The following FAM135B variants were observed in gnomAD, a reference collection of about 807,000 sequenced individuals.
FAM135B encodes family with sequence similarity 135 member B, also known as protein FAM135B.
A neutral mutation model predicts 127.7 loss-of-function variants in FAM135B; 43 were observed. The observed-to-expected ratio is 0.34, with a 90% CI of 0.26 to 0.43. The LOEUF (loss-of-function observed/expected upper bound fraction) is 0.43. Among genes scored for constraint, FAM135B ranks in the 20% least tolerant of loss-of-function variants. The pLI is 1.00. For synonymous variants in FAM135B, 670 were observed against 665.1 expected (o/e 1.01, Z -0.11); for missense variants, 1,558 against 1,725.6 (o/e 0.90, Z 1.72).
intron 2 of FAM135B, among the ~76,000 whole-genome samples, chr8:138,342,325 A>G (rs1411045758): frequency 1.3e-5 from 2 of 151,938 alleles, no homozygotes; most frequent in Non-Finnish European, 2.9e-5. Context: ...TGATGACACA[A>G]AGTAATTAAG....
At chr8:138,492,961 C>CA (rs1269289167) in intron 1 of FAM135B, among the ~76,000 whole-genome samples, 2 of 152,176 alleles carry the variant, frequency 1.3e-5, no homozygotes, top group African/African-American at 4.8e-5. Flanking sequence ...CAGAGTCTGG[C>CA]ATGATGAGTG....
At chr8:138,460,537 T>G (rs2131615243) in intron 1 of FAM135B, among the ~76,000 whole-genome samples, 1 of 152,324 alleles carries the variant, frequency 6.6e-6, no homozygotes, top group South Asian at 2.1e-4. Flanking sequence ...CTGTTTATTC[T>G]CAGGCCTCCC....
chr8:138,306,299 G>A (rs1020172854), intron 3 of FAM135B, among the ~76,000 whole-genome samples: 2 of 151,934 alleles, frequency 1.3e-5, no homozygotes, highest in African/African-American at 4.8e-5. Context: ...ACCAGGCATG[G>A]TGGCACACAC....
intron 2 of FAM135B, 53 bp from the exon 3 acceptor site, chr8:138,310,973 C>CG: frequency 1.4e-6 from 2 of 1,444,594 alleles, no homozygotes; most frequent in East Asian, 2.3e-5. Context: ...TTAACGTTGA[C>CG]TTCTAAAAAT....
chr8:138,331,272 T>C (rs1240462957), intron 2 of FAM135B, among the ~76,000 whole-genome samples: 2 of 152,200 alleles, frequency 1.3e-5, no homozygotes, highest in Admixed American at 6.5e-5. Flanking sequence ...GTGTATTTCG[T>C]CATCTGACTC....
rs574495701 is a variant in FAM135B at position 138,407,205 on chromosome 8, G to A, written c.-19-39203C>T. ...CCCAGGAATCCAACTTACAAGGGACGTGAAGGACCTCTTCAAGGAGAACTA... is the reference window on the plus strand; with the variant it reads ...CCCAGGAATCCAACTTACAAGGGACATGAAGGACCTCTTCAAGGAGAACTA... On this transcript the variant is annotated intron_variant, in intron 1 of 19. Transcript: ENST00000395297. Among the ~76,000 whole-genome samples, 18 of 148,950 alleles carry A rather than the reference G, an allele frequency of 1.2e-4. No homozygotes were observed. In the East Asian group the frequency reaches 2.7e-3, roughly 22 times the overall value.
Position 138,213,499 on chromosome 8 carries a change from T to C in FAM135B, c.670-15830A>G, listed in dbSNP as rs1005475907. On this transcript the variant is annotated intron_variant, in intron 7 of 19. Transcript: ENST00000395297. ...ATTCCGTGTGTTGTTTTCAATTTTA[T>C]GTAATTTCTTTTTTTTTTTTTTTTA... Among the ~76,000 whole-genome samples the C allele has an allele frequency of 2.1e-5, 3 of 144,940 alleles. No individual in the cohort carries two copies. In the East Asian group the frequency reaches 6.2e-4, roughly 30 times the overall value.
chr8:138,441,371 T>C (rs1442574431), intron 1 of FAM135B: 1 of 152,140 alleles, frequency 6.6e-6, no homozygotes, highest in Non-Finnish European at 1.5e-5. Context: ...GAAAGCCAAA[T>C]TTGCACACCC....
Position 138,151,890 on chromosome 8 carries a change from A to G in FAM135B, c.2585T>C (p.Leu862Pro), listed in dbSNP as rs1818190499. The change falls in exon 13 of 20, where the codon CTT becomes CCT. Residue 862 changes from leucine (L) to proline (P), a missense_variant. Leu to Pro is a moderately conservative substitution (Grantham distance 98). Coordinates refer to ENST00000395297, the MANE Select transcript of FAM135B (RefSeq NM_015912.4). Reference sequence around the variant, plus strand: ...AGTGTTCTCAGTCCTGCCATCAGGAAGACAGTGTCCTTGAGCATCAAACTG... The same window carrying G: ...AGTGTTCTCAGTCCTGCCATCAGGAGGACAGTGTCCTTGAGCATCAAACTG... ...GKQFDAQGHC[L>P]PDGRTENTPG... 1 of 1,614,034 alleles carries G rather than the reference A, an allele frequency of 6.2e-7. No homozygotes were observed. The highest frequency in any genetic ancestry group is 1.7e-5 in the Admixed American group (1 of 60,024).
chr8:138,342,606 T>C (rs16908865), intron 2 of FAM135B, among the ~76,000 whole-genome samples: 3,918 of 152,260 alleles, frequency 0.026, 157 homozygotes, highest in African/African-American at 0.089. Flanking sequence ...CAAGAGATTA[T>C]GACACTCAGT....
At chr8:138,402,448 C>T (rs184207275) in intron 1 of FAM135B, among the ~76,000 whole-genome samples, 2 of 152,232 alleles carry the variant, frequency 1.3e-5, no homozygotes. Flanking sequence ...CTGTAGCTCA[C>T]CTCAGGCAAA....
chr8:138,159,760 A>C (rs1413938269), intron 12 of FAM135B, among the ~76,000 whole-genome samples: 1 of 103,148 alleles, frequency 9.7e-6, no homozygotes. Context: ...TATAATTTTA[A>C]AAAAAAGAAT....
chr8:138,345,828 A>C (rs1217600735), intron 2 of FAM135B, among the ~76,000 whole-genome samples: 1 of 152,236 alleles, frequency 6.6e-6, no homozygotes, highest in African/African-American at 2.4e-5. Context: ...CTACTGCCTC[A>C]GTTTCTCCAT....
At chr8:138,192,686 C>T (rs2131091240) in intron 9 of FAM135B, among the ~76,000 whole-genome samples, 1 of 152,304 alleles carries the variant, frequency 6.6e-6, no homozygotes, top group African/African-American at 2.4e-5. Context: ...ATCAGCACTC[C>T]TGACTCACTG....
chr8:138,428,369 C>G (rs775139498), intron 1 of FAM135B, among the ~76,000 whole-genome samples: 4 of 152,074 alleles, frequency 2.6e-5, no homozygotes, highest in African/African-American at 9.7e-5. Flanking sequence ...ACTGAAATTA[C>G]GAACTTTCAG....
chr8:138,387,644 C>G (rs530406169), intron 1 of FAM135B, among the ~76,000 whole-genome samples: 22 of 152,240 alleles, frequency 1.4e-4, no homozygotes, highest in Non-Finnish European at 2.2e-4. Context: ...AGTAGGTTCT[C>G]CAAAGTCATA....
At chr8:138,468,370 A>G (rs1037051987) in intron 1 of FAM135B, among the ~76,000 whole-genome samples, 1 of 151,982 alleles carries the variant, frequency 6.6e-6, no homozygotes, top group Non-Finnish European at 1.5e-5. Context: ...GCTCTTCATG[A>G]CTCTCTATCT....
At chr8:138,227,358 G>A (rs558313340) in intron 7 of FAM135B, among the ~76,000 whole-genome samples, 75 of 152,282 alleles carry the variant, frequency 4.9e-4, no homozygotes, top group African/African-American at 1.7e-3. Context: ...GGCAGCCCAC[G>A]CAGTTGACAA....
At chr8:138,399,577 T>C (rs755349087) in intron 1 of FAM135B, among the ~76,000 whole-genome samples, 9 of 152,198 alleles carry the variant, frequency 5.9e-5, no homozygotes, top group Non-Finnish European at 1.3e-4. Flanking sequence ...CTTTAGATTT[T>C]ATAGATGGGG....
Sources: gnomAD v4.1 joint callset for allele counts (sites outside exome capture counted in the v4.1 genomes callset) on GRCh38, gnomAD v4.1.1 for gene constraint, MANE v1.5 for transcripts, NCBI Gene and HGNC (gene_info 2026-07-23, HGNC 2026-07-21) for gene names.